Variants in PHTF1 observed in about 807,000 individuals in gnomAD.
The protein encoded by PHTF1 is protein PHTF1.
A neutral mutation model predicts 102.4 loss-of-function variants in PHTF1; 88 were observed. The ratio of observed to expected loss-of-function variants is 0.86; its 90% CI spans 0.72 to 1.03. The LOEUF (loss-of-function observed/expected upper bound fraction) is 1.03, where lower values mean the gene tolerates loss of function less well. Among genes scored for constraint, PHTF1 ranks in the 50% least tolerant of loss-of-function variants. PHTF1 has a pLI of 0.00. For missense variants in PHTF1, 814 were observed against 909.5 expected, an observed-to-expected ratio of 0.89 and a Z score of 1.35; for synonymous variants, 289 against 305.2, an observed-to-expected ratio of 0.95 and a Z score of 0.55.
At position 113,735,039 on chromosome 1, in the gene PHTF1, G is replaced by A. The variant is rs190390733; in HGVS notation, c.331+3071C>T. Among the ~76,000 whole-genome samples the A allele has an allele frequency of 7.2e-5, 11 of 152,142 alleles. No individual in the cohort carries two copies. The East Asian group carries it at 9.7e-4, about 13-fold the overall frequency. On this transcript the variant is annotated intron_variant, in intron 5 of 18. Transcript: ENST00000369604. ...GAACAGATTCATACAGAAAGGTTAC[G>A]TAAATTACAGTACTCTTACATAATG... is the stretch of plus-strand genomic sequence containing the variant.
At chr1:113,705,430 C>A (rs117278538) in intron 13 of PHTF1, among the ~76,000 whole-genome samples, 1 of 152,090 alleles carries the variant, frequency 6.6e-6, no homozygotes, top group African/African-American at 2.4e-5. Context: ...AATAGAACAA[C>A]ACCCGGTCTC....
chr1:113,757,885 T>C (rs1659117029), intron 2 of PHTF1, 130 bp from the exon 3 acceptor site: 1 of 647,228 alleles, frequency 1.5e-6, no homozygotes, highest in Non-Finnish European at 2.8e-6. Context: ...TCTCAAAAGT[T>C]AGAATAAATC....
intron 3 of PHTF1, among the ~76,000 whole-genome samples, chr1:113,740,093 T>C (rs957020035): frequency 1.3e-4 from 20 of 152,224 alleles, no homozygotes; most frequent in African/African-American, 4.6e-4. Flanking sequence ...TTTGGATATA[T>C]ACTGAGACTG....
chr1:113,745,343 TATAAAGAACAG>T (rs1472722264), intron 3 of PHTF1, among the ~76,000 whole-genome samples: 2 of 152,124 alleles, frequency 1.3e-5, no homozygotes, highest in Non-Finnish European at 2.9e-5. Flanking sequence ...CTGGCTCTGC[TATAAAGAACAG>T]ATGGAGGGTA....
At chr1:113,753,451 G>A (rs1393115404) in intron 3 of PHTF1, among the ~76,000 whole-genome samples, 3 of 150,946 alleles carry the variant, frequency 2.0e-5, no homozygotes, top group Admixed American at 1.3e-4. Context: ...TTTTTGAGAC[G>A]GAGTCTCGCT....
intron 3 of PHTF1, among the ~76,000 whole-genome samples, chr1:113,752,265 T>C (rs546667777): frequency 6.6e-6 from 1 of 152,206 alleles, no homozygotes; most frequent in Non-Finnish European, 1.5e-5. Context: ...TTGTTGCTAT[T>C]ATAAAATTGT....
At chr1:113,720,333 A>G (rs750370504) in intron 7 of PHTF1, among the ~76,000 whole-genome samples, 38 of 152,316 alleles carry the variant, frequency 2.5e-4, no homozygotes, top group South Asian at 1.2e-3. Context: ...ACAGACTCCA[A>G]TACAATAATA....
chr1:113,728,229 A>G (rs1654137462), intron 5 of PHTF1, among the ~76,000 whole-genome samples: 1 of 152,222 alleles, frequency 6.6e-6, no homozygotes, highest in South Asian at 2.1e-4. Context: ...CAACCAGAAT[A>G]TATAAGGAGC....
At chr1:113,753,684 T>C (rs1658425631) in intron 3 of PHTF1, among the ~76,000 whole-genome samples, 1 of 151,994 alleles carries the variant, frequency 6.6e-6, no homozygotes, top group Non-Finnish European at 1.5e-5. Flanking sequence ...TGCCTCGGCC[T>C]CCCTGCTAGG....
intron 3 of PHTF1, among the ~76,000 whole-genome samples, chr1:113,751,706 G>A (rs932583466): frequency 1.3e-5 from 2 of 152,190 alleles, no homozygotes; most frequent in Non-Finnish European, 2.9e-5. Context: ...GATAGAAAAT[G>A]TTAAATATAG....
chr1:113,711,296 C>T (rs75142278), intron 10 of PHTF1, among the ~76,000 whole-genome samples: 5,060 of 152,280 alleles, frequency 0.033, 115 homozygotes, highest in Non-Finnish European at 0.054. Context: ...GAAAAAACCA[C>T]ACCACCACCA....
At position 113,724,829 on chromosome 1, in the gene PHTF1, C is replaced by T; in HGVS notation, c.553G>A (p.Val185Ile). The T allele has an allele frequency of 6.2e-7, 1 of 1,606,576 alleles. No homozygotes were observed. The highest frequency in any genetic ancestry group is 8.5e-7 in the Non-Finnish European group (1 of 1,173,974). The change falls in exon 7 of 19, where the codon GTC becomes ATC. Residue 185 changes from valine to isoleucine, a missense_variant. Transcript: ENST00000369604. ...RENGNNSSDK[V>I]RGIETLESVP... ...GATTCCAAAGTTTCTATTCCTCTGA[C>T]TTTATCAGAGGAGTTATTTCCATTT...
In PHTF1 at chr1:113,712,075, G is replaced by T; in HGVS notation, c.822C>A (p.Asp274Glu). The T allele has an allele frequency of 6.2e-7, 1 of 1,613,876 alleles. No individual in the cohort carries two copies. The highest frequency in any genetic ancestry group is 1.1e-5 in the South Asian group (1 of 91,064). Residue 274 changes from aspartate to glutamate, a missense_variant, in exon 9 of 19, where the codon GAC becomes GAA. Coordinates refer to ENST00000369604, the MANE Select transcript of PHTF1 (RefSeq NM_001323043.2). ...CTTCACCATCTTCTTCACTTGACAG[G>T]TCATCAGACACCCCATTACCCAAAC... ...FRRLGNGVSD[D>E]LSSEEDGEAR... is the part of the protein sequence containing the mutation.
intron 5 of PHTF1, among the ~76,000 whole-genome samples, chr1:113,735,366 A>C (rs948213777): frequency 4.7e-5 from 2 of 42,896 alleles, no homozygotes; most frequent in South Asian, 1.5e-3. Flanking sequence ...ACTCTGTCTC[A>C]AAAAAAAAAA....
chr1:113,717,292 G>T (rs1652212457), intron 7 of PHTF1, among the ~76,000 whole-genome samples: 1 of 152,028 alleles, frequency 6.6e-6, no homozygotes, highest in African/African-American at 2.4e-5. Context: ...CTAAGAGGAA[G>T]ATAGGAAGGA....
chr1:113,731,286 G>A (rs1377936952), intron 5 of PHTF1, among the ~76,000 whole-genome samples: 5 of 152,152 alleles, frequency 3.3e-5, no homozygotes, highest in Non-Finnish European at 7.3e-5. Context: ...CACTTTGGGA[G>A]GTTGAGGCAG....
At chr1:113,740,067 T>C (rs745414275) in intron 3 of PHTF1, among the ~76,000 whole-genome samples, 3 of 152,216 alleles carry the variant, frequency 2.0e-5, no homozygotes, top group Non-Finnish European at 4.4e-5. Flanking sequence ...CCCTTCGACA[T>C]ACAGATTTTC....
At chr1:113,706,834 T>G (rs1488255737) in intron 11 of PHTF1, 112 bp from the exon 12 acceptor site, 2 of 525,088 alleles carry the variant, frequency 3.8e-6, no homozygotes. Context: ...TCTATAATGC[T>G]GGTCCTTTCT....
At chr1:113,740,887 T>A (rs1174357139) in intron 3 of PHTF1, among the ~76,000 whole-genome samples, 2 of 152,070 alleles carry the variant, frequency 1.3e-5, no homozygotes, top group Non-Finnish European at 1.5e-5. Context: ...AAAAAGTAGC[T>A]GGGCATGGTG....
Sources: gnomAD v4.1 joint callset for allele counts (sites outside exome capture counted in the v4.1 genomes callset) on GRCh38, gnomAD v4.1.1 for gene constraint, MANE v1.5 for transcripts, NCBI Gene and HGNC (gene_info 2026-07-23, HGNC 2026-07-21) for gene names.